Variants in CARD10 observed in about 807,000 individuals in gnomAD.
CARD10 encodes caspase recruitment domain family member 10.
CARD10 carries 49 observed loss-of-function variants against 114.6 expected under a neutral mutation model. The ratio of observed to expected loss-of-function variants is 0.43; its 90% CI spans 0.34 to 0.54. The LOEUF (loss-of-function observed/expected upper bound fraction) is 0.54, where lower values mean the gene tolerates loss of function less well. Among genes scored for constraint, CARD10 ranks in the 20% least tolerant of loss-of-function variants. CARD10 has a pLI of 0.03. For synonymous variants in CARD10, 602 were observed against 593.2 expected, an observed-to-expected ratio of 1.01 and a Z score of -0.21; for missense variants, 1,206 against 1,397.2, an observed-to-expected ratio of 0.86 and a Z score of 2.18.
intron 3 of CARD10, among the ~76,000 whole-genome samples, chr22:37,511,658 GGA>G (rs1234256939): frequency 6.6e-6 from 1 of 151,992 alleles, no homozygotes; most frequent in Non-Finnish European, 1.5e-5. Flanking sequence ...GGGTGTGAGG[GGA>G]GAGGAGAGGG....
intron 11 of CARD10, among the ~76,000 whole-genome samples, chr22:37,502,108 G>A (rs1335749299): frequency 2.0e-5 from 3 of 152,224 alleles, no homozygotes; most frequent in Non-Finnish European, 4.4e-5. Flanking sequence ...AATGGGCTTT[G>A]TGACTCCTGT....
Position 37,492,638 on chromosome 22 carries a change from T to C in CARD10, c.2635+6A>G. On this transcript the variant is annotated splice_donor_region_variant and intron_variant, in intron 17 of 19. Coordinates refer to ENST00000251973, the MANE Select transcript of CARD10 (RefSeq NM_014550.4). This position sits in a 1 kb window ranked among gnomAD's most constrained non-coding sequence, Gnocchi z 5.7. ...CCAGCCTCCCCTCCCCGGCACATAGTCTCACCCGCTGGGCACACTTGGAAG... is the reference window on the plus strand; with the variant it reads ...CCAGCCTCCCCTCCCCGGCACATAGCCTCACCCGCTGGGCACACTTGGAAG... 1.2e-6 allele frequency: 2 copies of C among 1,612,380 alleles called. No individual in the cohort carries two copies. The highest frequency in any genetic ancestry group is 8.5e-7 in the Non-Finnish European group (1 of 1,179,564).
chr22:37,492,616 G>A lies in CARD10; in HGVS notation c.2635+28C>T, dbSNP rs773438828. ...GCCCGGCTGCCCAGAGGGGCACCCA[G>A]CCTCCCCTCCCCGGCACATAGTCTC... On this transcript the variant is annotated intron_variant, in intron 17 of 19. Coordinates refer to ENST00000251973, the MANE Select transcript of CARD10 (RefSeq NM_014550.4). The surrounding 1 kb of genome is among the most constrained non-coding windows in gnomAD (Gnocchi z 5.7). The A allele has an allele frequency of 3.5e-5, 57 of 1,610,488 alleles. No homozygotes were observed. The highest frequency in any genetic ancestry group is 4.5e-5 in the Non-Finnish European group (53 of 1,178,442).
intron 11 of CARD10, among the ~76,000 whole-genome samples, chr22:37,497,454 G>C (rs1363134026): frequency 1.3e-5 from 2 of 152,138 alleles, no homozygotes; most frequent in Non-Finnish European, 2.9e-5. Flanking sequence ...GCCTTGCCAC[G>C]GCCCTTTCGT....
At chr22:37,504,463 GGCACCTATGCCT>G (rs1404531946) in intron 8 of CARD10, among the ~76,000 whole-genome samples, 160 bp downstream of exon 8, 2 of 152,218 alleles carry the variant, frequency 1.3e-5, no homozygotes, top group African/African-American at 4.8e-5. Context: ...CACGCCTCCT[GGCACCTATGCCT>G]GGCAAGGAAA....
rs1280208659 is a variant in CARD10, at chr22:37,519,132, C to T, written c.69G>A (p.Glu23=). 3 of 1,563,714 alleles carry T rather than the reference C, an allele frequency of 1.9e-6. No homozygotes were observed. Among genetic ancestry groups the T allele is most frequent in the South Asian group, 1.2e-5 (1 of 86,442 alleles). Reference sequence around the variant, plus strand: ...CGATTCGCTCCCACAGCGCGTCCTCCTCCGCCTCAGACCCCGAGCCGGCCC... The same window carrying T: ...CGATTCGCTCCCACAGCGCGTCCTCTTCCGCCTCAGACCCCGAGCCGGCCC... ...EAGAGSGSEA[E]EDALWERIEG... is the part of the protein sequence containing the mutation. Residue 23 remains glutamate (E), a synonymous_variant, in exon 1 of 20, where the codon GAG becomes GAA. Transcript: ENST00000251973. This position sits in a 1 kb window ranked among gnomAD's most constrained non-coding sequence, Gnocchi z 4.1.
At position 37,512,496 on chromosome 22, in the gene CARD10, C is replaced by T. The variant is rs559070610; in HGVS notation, c.700-2075G>A. Among the ~76,000 whole-genome samples, 243 of 150,628 alleles carry T rather than the reference C, an allele frequency of 1.6e-3. 5 individuals carry two copies. Among genetic ancestry groups the T allele is most frequent in the African/African-American group, 5.4e-3 (222 of 40,928 alleles). On this transcript the variant is annotated intron_variant, in intron 3 of 19. Coordinates refer to ENST00000251973, the MANE Select transcript of CARD10 (RefSeq NM_014550.4). ...ACACACACACACACACACACACACA[C>T]ACACACACACACACACACACACACG...
At chr22:37,499,846 A>G (rs1601810968) in intron 11 of CARD10, among the ~76,000 whole-genome samples, 1 of 152,042 alleles carries the variant, frequency 6.6e-6, no homozygotes, top group East Asian at 1.9e-4. Flanking sequence ...GAAAGGACAC[A>G]GCAGGGAGAG....
intron 3 of CARD10, among the ~76,000 whole-genome samples, chr22:37,511,491 G>C (rs1431234373): frequency 2.0e-5 from 3 of 148,880 alleles, no homozygotes; most frequent in Non-Finnish European, 4.5e-5. Context: ...GGAGGGCAGA[G>C]TGGGAGGAGG....
chr22:37,507,227 C>T (rs1387420595), intron 6 of CARD10, among the ~76,000 whole-genome samples: 2 of 152,328 alleles, frequency 1.3e-5, no homozygotes, highest in East Asian at 3.9e-4. Flanking sequence ...GCTGAGATTG[C>T]ACCACTGCAC....
intron 3 of CARD10, among the ~76,000 whole-genome samples, chr22:37,515,702 T>C (rs1158840760): frequency 6.6e-6 from 1 of 152,166 alleles, no homozygotes; most frequent in Non-Finnish European, 1.5e-5. Context: ...ACAGCATCCC[T>C]GGCCTCTACA....
In CARD10 at chr22:37,506,222, C is replaced by A. The variant is rs368698856; in HGVS notation, c.1353G>T (p.Leu451=). 7.4e-5 allele frequency: 117 copies of A among 1,590,456 alleles called. No homozygotes were observed. Among genetic ancestry groups the A allele is most frequent in the Non-Finnish European group, 9.9e-5 (115 of 1,166,442 alleles). Residue 451 remains leucine (L), a synonymous_variant, in exon 7 of 20, where the codon CTG becomes CTT. Coordinates refer to ENST00000251973, the MANE Select transcript of CARD10 (RefSeq NM_014550.4). The part of the protein sequence containing the change: ...EGTKALLEVQ[L]QRAQGGTCLK... ...GGCAGGTGCCACCCTGGGCCCGCTG[C>A]AGCTGAACCTCCAGCAGAGCCTTGG...
intron 15 of CARD10, chr22:37,494,428 C>T (rs1241711375): frequency 2.1e-5 from 12 of 569,204 alleles, no homozygotes; most frequent in South Asian, 1.9e-4. Context: ...GAAGCCAGCC[C>T]GTCTGAGCCT....
chr22:37,506,630 C>T (rs537939921), intron 6 of CARD10, among the ~76,000 whole-genome samples: 1 of 152,354 alleles, frequency 6.6e-6, no homozygotes, highest in East Asian at 1.9e-4. Flanking sequence ...AGCGACAGAG[C>T]TGGGATTCAA....
At position 37,495,649 on chromosome 22, in the gene CARD10, C is replaced by A; in HGVS notation, c.2304-63G>T. The A allele has an allele frequency of 2.5e-6, 4 of 1,610,570 alleles. No homozygotes were observed. In the Middle Eastern group the frequency reaches 5.0e-4, roughly 200 times the overall value. On this transcript the variant is annotated intron_variant, in intron 14 of 19. Coordinates refer to ENST00000251973, the MANE Select transcript of CARD10 (RefSeq NM_014550.4). ...GAAAGCTCCTCATTTCTCCTCGAAC[C>A]CCCCGCCCTGTCCCAGAGGATGGTG...
At chr22:37,509,806 C>T (rs1409726885) in intron 4 of CARD10, among the ~76,000 whole-genome samples, 31 of 120,044 alleles carry the variant, frequency 2.6e-4, no homozygotes, top group Non-Finnish European at 3.9e-4. Context: ...CTGCTGCAGG[C>T]CCTCCTGACC....
chr22:37,506,674 A>G (rs193286253), intron 6 of CARD10, among the ~76,000 whole-genome samples: 351 of 152,256 alleles, frequency 2.3e-3, no homozygotes, highest in Middle Eastern at 6.8e-3. Flanking sequence ...CCAGGCTCTC[A>G]CCATTTCACC....
Position 37,492,928 on chromosome 22 carries a change from T to G in CARD10, c.2477-126A>C. On this transcript the variant is annotated intron_variant, in intron 16 of 19. Transcript: ENST00000251973. This position sits in a 1 kb window ranked among gnomAD's most constrained non-coding sequence, Gnocchi z 5.7. ...GTCCTGCTGCTGCTCCTCCTACACA[T>G]GCACACACACACACCCTTAGTAGGA... is the stretch of plus-strand genomic sequence containing the variant. 4.3e-6 allele frequency: 4 copies of G among 940,568 alleles called. No individual in the cohort carries two copies. The South Asian group carries it at 6.5e-5, about 15-fold the overall frequency. 58.3% of individuals were successfully genotyped at this position (940,568 alleles called of 1,614,324 possible).
rs776537897 is a variant in CARD10, at chr22:37,504,661, T to C, written c.1492A>G (p.Met498Val). ...GAGTTGTGAGGCTCAGGTCCCCCCA[T>C]GACAGCTGCCTCCCCAGTTGCTTCT... is the stretch of plus-strand genomic sequence containing the variant. ...GPEATGEAAVMGGPEPHNSEE... is the reference protein window; with the variant it reads ...GPEATGEAAVVGGPEPHNSEE... Residue 498 changes from methionine to valine, a missense_variant, in exon 8 of 20, where the codon ATG becomes GTG. By Grantham distance (21) the Met-to-Val change is conservative. This residue lies in a region of CARD10 where 1,068 missense variants were observed against 1,179.1 expected (regional missense o/e 0.91). Transcript: ENST00000251973. The C allele has an allele frequency of 6.5e-7, 1 of 1,546,536 alleles. No homozygotes were observed.
Sources: gnomAD v4.1 joint callset for allele counts (sites outside exome capture counted in the v4.1 genomes callset) on GRCh38, gnomAD v4.1.1 for gene constraint, gnomAD v4.1.1 regional missense constraint, Gnocchi (gnomAD v3.1) non-coding constraint, MANE v1.5 for transcripts, NCBI Gene and HGNC (gene_info 2026-07-23, HGNC 2026-07-21) for gene names.